The following PPM1H variants were observed in gnomAD, a reference collection of about 807,000 sequenced individuals.
The protein encoded by PPM1H is protein phosphatase, Mg2+/Mn2+ dependent 1H.
In PPM1H, 27 loss-of-function variants were observed where a neutral mutation model predicts 54.9. The observed-to-expected ratio is 0.49, with a 90% CI of 0.36 to 0.68. PPM1H has a LOEUF of 0.68. Ranked by LOEUF, PPM1H falls within the 30% of genes least tolerant of loss-of-function variation. The pLI, the probability that PPM1H is intolerant of heterozygous loss-of-function variation, is 0.00. For synonymous variants in PPM1H, 305 were observed against 270.8 expected (o/e 1.13, Z -1.24); for missense variants, 596 against 667.8 (o/e 0.89, Z 1.19).
intron 4 of PPM1H, among the ~76,000 whole-genome samples, chr12:62,766,936 C>T (rs1041802601): frequency 6.6e-6 from 1 of 152,198 alleles, no homozygotes; most frequent in African/African-American, 2.4e-5. Flanking sequence ...TTCATGGCCA[C>T]CCTGCCCAAT....
intron 1 of PPM1H, among the ~76,000 whole-genome samples, chr12:62,928,969 G>A (rs984630598): frequency 1.3e-4 from 20 of 152,194 alleles, no homozygotes; most frequent in Admixed American, 1.2e-3. Flanking sequence ...TAACAGCAGG[G>A]AAGGTCTTGG....
At chr12:62,803,889 A>G (rs538751701) in intron 2 of PPM1H, among the ~76,000 whole-genome samples, 49 of 152,370 alleles carry the variant, frequency 3.2e-4, no homozygotes, top group African/African-American at 1.1e-3. Flanking sequence ...CGATGAAAAA[A>G]TGGGCAAAGG....
chr12:62,902,830 G>T (rs1426112912), intron 1 of PPM1H, among the ~76,000 whole-genome samples: 3 of 152,218 alleles, frequency 2.0e-5, no homozygotes, highest in African/African-American at 7.2e-5. Context: ...AGTGGAAATA[G>T]TTGCAGTGAG....
At chr12:62,733,233 C>G (rs570970361) in intron 5 of PPM1H, among the ~76,000 whole-genome samples, 83 of 152,216 alleles carry the variant, frequency 5.5e-4, no homozygotes, top group Non-Finnish European at 1.0e-3. Flanking sequence ...CTATTTTCCT[C>G]TCATAGTTGA....
chr12:62,763,414 G>A (rs71465167), intron 4 of PPM1H, among the ~76,000 whole-genome samples: 11,779 of 152,262 alleles, frequency 0.077, 628 homozygotes, highest in South Asian at 0.18. Flanking sequence ...GAGTGGGAGC[G>A]GGCATCAGGA....
At chr12:62,777,456 T>C (rs2076617708) in intron 4 of PPM1H, among the ~76,000 whole-genome samples, 1 of 152,198 alleles carries the variant, frequency 6.6e-6, no homozygotes, top group South Asian at 2.1e-4. Context: ...GGCATAAAAA[T>C]ATTCATTGAA....
intron 4 of PPM1H, among the ~76,000 whole-genome samples, chr12:62,763,885 G>A (rs2076525357): frequency 6.6e-6 from 1 of 152,144 alleles, no homozygotes; most frequent in South Asian, 2.1e-4. Context: ...CTCCACTCCT[G>A]GTTGCTTTTG....
intron 1 of PPM1H, among the ~76,000 whole-genome samples, chr12:62,899,791 A>G (rs1242601211): frequency 2.0e-5 from 3 of 152,214 alleles, no homozygotes; most frequent in Non-Finnish European, 4.4e-5. Context: ...GTAACTTTGG[A>G]GAGTAGGACT....
rs144285384 is a variant in PPM1H at position 62,898,178 on chromosome 12, T to C, written c.245+36314A>G. On this transcript the variant is annotated intron_variant, in intron 1 of 9. Coordinates refer to ENST00000228705, the MANE Select transcript of PPM1H (RefSeq NM_020700.2). ...CATTTCATTGTCAATGGATGCATAA[T>C]AGATGCAAAATACTTCCAAGGTTAA... Among the ~76,000 whole-genome samples the C allele has an allele frequency of 1.6e-3, 244 of 152,356 alleles. 2 individuals are homozygous for C. The highest frequency in any genetic ancestry group is 5.8e-3 in the African/African-American group (240 of 41,592).
chr12:62,745,212 T>G (rs2076403645), intron 4 of PPM1H, among the ~76,000 whole-genome samples: 1 of 151,966 alleles, frequency 6.6e-6, no homozygotes, highest in South Asian at 2.1e-4. Flanking sequence ...TTTTATTATT[T>G]TTAATTTTTT....
intron 4 of PPM1H, among the ~76,000 whole-genome samples, chr12:62,779,768 T>G (rs1478645631): frequency 6.6e-6 from 1 of 152,240 alleles, no homozygotes; most frequent in Non-Finnish European, 1.5e-5. Flanking sequence ...GGCTATCACT[T>G]CTATCCCAGG....
chr12:62,861,236 A>G (rs1869591700), intron 1 of PPM1H, among the ~76,000 whole-genome samples: 1 of 152,202 alleles, frequency 6.6e-6, no homozygotes, highest in Admixed American at 6.5e-5. Context: ...CCTTCCTTCC[A>G]GGCATTTTTG....
At chr12:62,838,641 G>A (rs1565805049) in intron 1 of PPM1H, among the ~76,000 whole-genome samples, 6 of 102,616 alleles carry the variant, frequency 5.8e-5, no homozygotes, top group South Asian at 2.9e-4. Flanking sequence ...AGCTTCTCTG[G>A]CCGGGCGCGG....
intron 1 of PPM1H, among the ~76,000 whole-genome samples, chr12:62,852,228 CAAAAAAAAA>C (rs59673617): frequency 1.7e-5 from 1 of 60,404 alleles, no homozygotes; most frequent in African/African-American, 6.1e-5. Flanking sequence ...GACTCTGTCT[CAAAAAAAAA>C]AAAAAAAAAA....
At chr12:62,797,720 T>C (rs1174586157) in intron 3 of PPM1H, among the ~76,000 whole-genome samples, 1 of 152,206 alleles carries the variant, frequency 6.6e-6, no homozygotes, top group Non-Finnish European at 1.5e-5. Flanking sequence ...TTGAAGCTGG[T>C]ATAATTTCTG....
At chr12:62,788,157 T>C in intron 4 of PPM1H, 69 bp downstream of exon 4, 3 of 1,068,202 alleles carry the variant, frequency 2.8e-6, no homozygotes, top group Non-Finnish European at 4.2e-6. Context: ...ATCATTTAAT[T>C]TTTGAGACAA....
At chr12:62,683,576 A>C (rs1224321478) in intron 8 of PPM1H, among the ~76,000 whole-genome samples, 2 of 152,216 alleles carry the variant, frequency 1.3e-5, no homozygotes, top group Non-Finnish European at 2.9e-5. Flanking sequence ...GAGCTAAATA[A>C]GTGATCTGGA....
intron 1 of PPM1H, among the ~76,000 whole-genome samples, chr12:62,833,800 T>A (rs1202751455): frequency 6.6e-6 from 1 of 152,214 alleles, no homozygotes. Flanking sequence ...AAAAGTTCAT[T>A]CCCATCTGTA....
At chr12:62,901,306 T>C (rs1165408626) in intron 1 of PPM1H, among the ~76,000 whole-genome samples, 2 of 152,214 alleles carry the variant, frequency 1.3e-5, no homozygotes, top group Non-Finnish European at 1.5e-5. Flanking sequence ...ATCAACCAAA[T>C]CCAATTAATT....
Sources: gnomAD v4.1 joint callset for allele counts (sites outside exome capture counted in the v4.1 genomes callset) on GRCh38, gnomAD v4.1.1 for gene constraint, MANE v1.5 for transcripts, NCBI Gene and HGNC (gene_info 2026-07-23, HGNC 2026-07-21) for gene names.